DET1: variants seen among roughly 807,000 people sequenced by gnomAD.
DET1 encodes DET1 partner of COP1 E3 ubiquitin ligase.
Under a neutral mutation model 43.7 loss-of-function variants are expected in DET1, and 22 were observed. The ratio of observed to expected loss-of-function variants is 0.50; its 90% confidence interval spans 0.36 to 0.72. The LOEUF (loss-of-function observed/expected upper bound fraction) is 0.72, where lower values mean the gene tolerates loss of function less well. DET1 is among the 30% of genes least tolerant of loss of function. The probability of loss-of-function intolerance (pLI) is 0.00; values close to 1 mark genes in which losing one functional copy is unlikely to be tolerated. For missense variants in DET1, 713 were observed against 713.3 expected, an observed-to-expected ratio of 1.00 and a Z score of 0.00; for synonymous variants, 315 against 266.2, an observed-to-expected ratio of 1.18 and a Z score of -1.79.
intron 4 of DET1, among the ~76,000 whole-genome samples, chr15:88,515,857 T>C (rs2056331323): frequency 6.6e-6 from 1 of 152,132 alleles, no homozygotes; most frequent in African/African-American, 2.4e-5. Flanking sequence ...CTGGTAACTG[T>C]TGAAGTGGGT....
chr15:88,541,304 C>G (rs1236868877), intron 1 of DET1, among the ~76,000 whole-genome samples: 1 of 151,908 alleles, frequency 6.6e-6, no homozygotes, highest in Non-Finnish European at 1.5e-5. Context: ...TCTTGTGACC[C>G]TGACACATCC....
intron 3 of DET1, among the ~76,000 whole-genome samples, chr15:88,524,267 C>A (rs1263605685): frequency 7.9e-5 from 12 of 151,040 alleles, no homozygotes; most frequent in Non-Finnish European, 1.5e-4. Flanking sequence ...AAGTGAGGAG[C>A]CCCTCCGCCT....
intron 1 of DET1, among the ~76,000 whole-genome samples, chr15:88,537,421 G>T (rs2056981757): frequency 6.6e-6 from 1 of 152,186 alleles, no homozygotes; most frequent in South Asian, 2.1e-4. Flanking sequence ...TACCACCATG[G>T]ACCTCCCTGG....
intron 3 of DET1, among the ~76,000 whole-genome samples, chr15:88,525,227 T>G (rs1240812250): frequency 6.6e-6 from 1 of 152,226 alleles, no homozygotes; most frequent in Non-Finnish European, 1.5e-5. Flanking sequence ...GTATCAATGT[T>G]TAATATCCAC....
intron 3 of DET1, among the ~76,000 whole-genome samples, chr15:88,524,456 G>A (rs1468779769): frequency 1.8e-4 from 27 of 152,388 alleles, no homozygotes; most frequent in Admixed American, 1.2e-3. Context: ...CCATCTGGGA[G>A]GAGTACCCAA....
At chr15:88,545,190 C>T (rs1421743594) in intron 1 of DET1, among the ~76,000 whole-genome samples, 1 of 152,072 alleles carries the variant, frequency 6.6e-6, no homozygotes, top group Admixed American at 6.5e-5. Flanking sequence ...AATTGTAATC[C>T]TCTTACAATA....
chr15:88,541,168 C>T (rs2057096031), intron 1 of DET1, among the ~76,000 whole-genome samples: 2 of 125,950 alleles, frequency 1.6e-5, no homozygotes, highest in South Asian at 6.1e-4. Flanking sequence ...AGCAATACTG[C>T]TTTGTAAAGC....
chr15:88,529,780 A>G (rs2056764147), intron 2 of DET1, among the ~76,000 whole-genome samples: 1 of 152,224 alleles, frequency 6.6e-6, no homozygotes, highest in African/African-American at 2.4e-5. Context: ...GTAGAAAGGT[A>G]GTTGTCTAAC....
intron 2 of DET1, 127 bp from the exon 3 acceptor site, chr15:88,527,913 A>C: frequency 1.7e-6 from 1 of 593,120 alleles, no homozygotes; most frequent in Non-Finnish European, 2.7e-6. Context: ...AACAACAACA[A>C]CAACAACAAG....
chr15:88,522,010 C>A (rs969003907), intron 3 of DET1, among the ~76,000 whole-genome samples: 1 of 151,784 alleles, frequency 6.6e-6, no homozygotes, highest in Non-Finnish European at 1.5e-5. Context: ...TGCCAAGGTA[C>A]CAATGTGACA....
At chr15:88,502,434 C>T (rs1196488265) in intron 8 of DET1, 1 of 152,014 alleles carries the variant, frequency 6.6e-6, no homozygotes, top group Non-Finnish European at 1.5e-5. Context: ...AAGTTAATGA[C>T]TACACTTAGA....
Position 88,531,906 on chromosome 15 carries a change from G to A in DET1, c.-10-191C>T. 1 of 595,292 alleles carries A rather than the reference G, an allele frequency of 1.7e-6. No homozygotes were observed. Among genetic ancestry groups the A allele is most frequent in the East Asian group, 2.9e-5 (1 of 34,582 alleles). The allele number at this position is 595,292 out of a possible 1,614,324, so 36.9% of individuals were successfully genotyped here. A position where few individuals can be genotyped will look rare whatever the true frequency, so the allele number is the denominator to read the frequency against. ...CTAACATTTCTAAGTCTAGAAACAG[G>A]TCTAAGGGAAGGATCTAGTTCACTA... On this transcript the variant is annotated intron_variant, in intron 1 of 4. Coordinates refer to ENST00000268148, the MANE Select transcript of DET1 (RefSeq NM_001144074.3). This position sits in a 1 kb window ranked among gnomAD's most constrained non-coding sequence, Gnocchi z 6.2.
chr15:88,539,680 T>C (rs974345568), intron 1 of DET1, among the ~76,000 whole-genome samples: 2 of 152,144 alleles, frequency 1.3e-5, no homozygotes, highest in African/African-American at 4.8e-5. Context: ...TTCTCATCGG[T>C]TGTTCAGGCT....
At chr15:88,522,654 G>A (rs11852573) in intron 3 of DET1, among the ~76,000 whole-genome samples, 5 of 150,818 alleles carry the variant, frequency 3.3e-5, no homozygotes, top group African/African-American at 1.2e-4. Context: ...GACTACAGGC[G>A]CCCGCCATCA....
intron 3 of DET1, among the ~76,000 whole-genome samples, chr15:88,517,230 T>TG (rs2056369946): frequency 6.6e-6 from 1 of 150,412 alleles, no homozygotes; most frequent in Non-Finnish European, 1.5e-5. Context: ...TTGGGTTTTT[T>TG]TTTTTTTTTT....
intron 3 of DET1, among the ~76,000 whole-genome samples, chr15:88,518,330 C>T (rs985547590): frequency 2.0e-5 from 3 of 152,096 alleles, no homozygotes; most frequent in Non-Finnish European, 1.5e-5. Context: ...AGAAAAATCT[C>T]TGTGTACATT....
Position 88,537,144 on chromosome 15 carries a change from T to C in DET1, c.-10-5429A>G, listed in dbSNP as rs377080556. The stretch of plus-strand genomic sequence containing the variant: ...CACACCTCATGAATAGAGCCTTGGA[T>C]CAATTTAGTGAATAGTATTACGGAC... On this transcript the variant is annotated intron_variant, in intron 1 of 4. Coordinates refer to ENST00000268148, the MANE Select transcript of DET1 (RefSeq NM_001144074.3). Among the ~76,000 whole-genome samples, 25 of 152,296 alleles carry C rather than the reference T, an allele frequency of 1.6e-4. No homozygotes were observed. The East Asian group carries it at 4.8e-3, about 29-fold the overall frequency.
chr15:88,509,205 A>G (rs1366984102), downstream of DET1, among the ~76,000 whole-genome samples: 1 of 152,214 alleles, frequency 6.6e-6, no homozygotes, highest in Non-Finnish European at 1.5e-5. Flanking sequence ...TCTGTTGCCC[A>G]GGCTGGAGTA....
rs1297504583 is a variant in DET1 at position 88,504,602 on chromosome 15, T to G, written c.*2066-615A>C. 1.3e-5 allele frequency: 2 copies of G among 152,142 alleles called. No individual in the cohort carries two copies. The highest frequency in any genetic ancestry group is 4.8e-5 in the African/African-American group (2 of 41,394). 9.4% of individuals were successfully genotyped at this position (152,142 alleles called of 1,614,324 possible). ...TAATTCCTGGAGATAGCAAACAACT[T>G]GCCTGAGAACACGTCTTTCATATGC... On this transcript the variant is annotated intron_variant and NMD_transcript_variant, in intron 7 of 8. Coordinates refer to the DET1 transcript ENST00000557842. The surrounding 1 kb of genome is among the most constrained non-coding windows in gnomAD (Gnocchi z 4.7).
Sources: gnomAD v4.1 joint callset for allele counts (sites outside exome capture counted in the v4.1 genomes callset) on GRCh38, gnomAD v4.1.1 for gene constraint, Gnocchi (gnomAD v3.1) non-coding constraint, MANE v1.5 for transcripts, NCBI Gene and HGNC (gene_info 2026-07-23, HGNC 2026-07-21) for gene names.